Variants in MX2 observed in about 807,000 individuals in gnomAD.
MX2 encodes the protein interferon-induced GTP-binding protein Mx2.
Under a neutral mutation model 74.0 loss-of-function variants are expected in MX2, and 51 were observed. That is an observed-to-expected ratio of 0.69 (90% confidence interval 0.55 to 0.87). The LOEUF is 0.87. Ranked by LOEUF, MX2 falls within the 40% of genes least tolerant of loss-of-function variation. MX2 has a pLI of 0.00. For synonymous variants in MX2, 369 were observed against 339.3 expected, an observed-to-expected ratio of 1.09 and a Z score of -0.96; for missense variants, 832 against 908.7, an observed-to-expected ratio of 0.92 and a Z score of 1.09.
Position 41,380,612 on chromosome 21 carries a change from T to C in MX2, c.577+461T>C, listed in dbSNP as rs574979880. ...GTGTCACAACCATGGCTTGTCTTCC[T>C]GAAGTTCAGCTCTAACCCTGGCCAG... On this transcript the variant is annotated intron_variant, in intron 4 of 13. Coordinates refer to ENST00000330714, the MANE Select transcript of MX2 (RefSeq NM_002463.2). The surrounding 1 kb of genome is among the most constrained non-coding windows in gnomAD (Gnocchi z 4.3). Among the ~76,000 whole-genome samples the C allele has an allele frequency of 8.1e-4, 123 of 152,274 alleles. No individual in the cohort carries two copies. Among genetic ancestry groups the C allele is most frequent in the African/African-American group, 2.5e-3 (104 of 41,552 alleles).
rs1017347632 is a variant in MX2 at position 41,388,424 on chromosome 21, G to A, written c.733-2141G>A. Among the ~76,000 whole-genome samples the A allele has an allele frequency of 3.3e-5, 5 of 152,158 alleles. No homozygotes were observed. Among genetic ancestry groups the A allele is most frequent in the African/African-American group, 9.7e-5 (4 of 41,432 alleles). ...CGGTGCTCTGCCCGCATGGCTCTCC[G>A]CAGAGGGCATCCTTCATTCCTCGCG... On this transcript the variant is annotated intron_variant, in intron 5 of 13. Transcript: ENST00000330714. The surrounding 1 kb of genome is among the most constrained non-coding windows in gnomAD (Gnocchi z 4.0).
intron 1 of MX2, among the ~76,000 whole-genome samples, chr21:41,371,356 A>T (rs903546300): frequency 6.6e-6 from 1 of 152,176 alleles, no homozygotes; most frequent in Non-Finnish European, 1.5e-5. Context: ...TACTTGGGTC[A>T]ACACCTTGGA....
rs2089611920 is a variant in MX2 at position 41,388,468 on chromosome 21, G to A, written c.733-2097G>A. Among the ~76,000 whole-genome samples the A allele has an allele frequency of 6.6e-6, 1 of 152,194 alleles. No homozygotes were observed. Among genetic ancestry groups the A allele is most frequent in the Non-Finnish European group, 1.5e-5 (1 of 68,038 alleles). ...CCTCGCGGGTTTCTGCTGCAAGGCT[G>A]CCCTACCTGGGCTGCCTTGCCTGAC... On this transcript the variant is annotated intron_variant, in intron 5 of 13. Coordinates refer to ENST00000330714, the MANE Select transcript of MX2 (RefSeq NM_002463.2). The surrounding 1 kb of genome is among the most constrained non-coding windows in gnomAD (Gnocchi z 4.0).
At chr21:41,375,626 TC>T (rs1474665557) in intron 1 of MX2, among the ~76,000 whole-genome samples, 1 of 152,160 alleles carries the variant, frequency 6.6e-6, no homozygotes, top group Non-Finnish European at 1.5e-5. Flanking sequence ...GTCCCAAATC[TC>T]CCTCTGCCTG....
intron 2 of MX2, 109 bp downstream of exon 2, chr21:41,377,264 C>A: frequency 7.0e-7 from 1 of 1,430,272 alleles, no homozygotes; most frequent in Non-Finnish European, 9.5e-7. Context: ...GCTCCTCCAG[C>A]ACAGCTGATG....
At chr21:41,389,001 T>G (rs1162486039) in intron 5 of MX2, among the ~76,000 whole-genome samples, 1 of 152,050 alleles carries the variant, frequency 6.6e-6, no homozygotes, top group African/African-American at 2.4e-5. Flanking sequence ...TCAACAGTGC[T>G]GGAAGGAGAG....
rs2089291412 is a variant in MX2 at position 41,368,870 on chromosome 21, T to C, written c.-72+6815T>C. On this transcript the variant is annotated intron_variant, in intron 1 of 13. Transcript: ENST00000330714. This position sits in a 1 kb window ranked among gnomAD's most constrained non-coding sequence, Gnocchi z 4.6. ...TCCAGCTCTCAGCCTTTGAAGGATATTGTGGCTAGGGGTTCAGAGTCCCAG... is the reference window on the plus strand; with the variant it reads ...TCCAGCTCTCAGCCTTTGAAGGATACTGTGGCTAGGGGTTCAGAGTCCCAG... Among the ~76,000 whole-genome samples the C allele has an allele frequency of 6.6e-6, 1 of 152,104 alleles. No homozygotes were observed. Among genetic ancestry groups the C allele is most frequent in the South Asian group, 2.1e-4 (1 of 4,824 alleles).
chr21:41,383,991 G>A (rs1273929783), intron 5 of MX2, among the ~76,000 whole-genome samples: 3 of 152,166 alleles, frequency 2.0e-5, no homozygotes, highest in Non-Finnish European at 2.9e-5. Context: ...GAGGGACCAG[G>A]TGGGAGGTGA....
chr21:41,379,725 G>GGGGGCT (rs1234231660), intron 3 of MX2, among the ~76,000 whole-genome samples: 1 of 152,234 alleles, frequency 6.6e-6, no homozygotes, highest in African/African-American at 2.4e-5. Flanking sequence ...GCAGTGTGGT[G>GGGGGCT]GGGGCTATGG....
At chr21:41,407,503 C>G (rs953558418) in intron 13 of MX2, among the ~76,000 whole-genome samples, 25 of 152,076 alleles carry the variant, frequency 1.6e-4, no homozygotes, top group African/African-American at 5.6e-4. Flanking sequence ...ATCACTGTTC[C>G]CAGGAAGAAA....
intron 12 of MX2, among the ~76,000 whole-genome samples, chr21:41,405,947 A>T (rs2089880523): frequency 6.6e-6 from 1 of 151,202 alleles, no homozygotes; most frequent in Non-Finnish European, 1.5e-5. Context: ...CAGGTGACCC[A>T]CCTGCCTCAG....
Position 41,402,003 on chromosome 21 carries a change from A to T in MX2, c.1448A>T (p.Tyr483Phe), listed in dbSNP as rs754319824. 6.2e-7 allele frequency: 1 copy of T among 1,613,822 alleles called. No homozygotes were observed. The highest frequency in any genetic ancestry group is 1.1e-5 in the South Asian group (1 of 90,988). ...ATTATCCACGAAGAAGTTGAAAAAT[A>T]TGAAAAGCAGTATCGAGGCAAGGAG... is the stretch of plus-strand genomic sequence containing the variant. ...KNIIHEEVEK[Y>F]EKQYRGKELL... The change falls in exon 11 of 14, where the codon TAT becomes TTT. Residue 483 changes from tyrosine to phenylalanine, a missense_variant. Tyr to Phe is a conservative substitution (Grantham distance 22, BLOSUM62 3). Coordinates refer to ENST00000330714, the MANE Select transcript of MX2 (RefSeq NM_002463.2). This position sits in a 1 kb window ranked among gnomAD's most constrained non-coding sequence, Gnocchi z 4.5.
In MX2 at chr21:41,380,154, G is replaced by A. The variant is rs2089469164; in HGVS notation, c.577+3G>A. On this transcript the variant is annotated splice_donor_region_variant and intron_variant, in intron 4 of 13. Coordinates refer to ENST00000330714, the MANE Select transcript of MX2 (RefSeq NM_002463.2). The surrounding 1 kb of genome is among the most constrained non-coding windows in gnomAD (Gnocchi z 4.3). The stretch of plus-strand genomic sequence containing the variant: ...GGTGGAGAAAGAGATACACAAAGGT[G>A]GGCCCACGTCATTCTGAGGTTCGGA... 6.2e-7 allele frequency: 1 copy of A among 1,613,764 alleles called. No homozygotes were observed. Among genetic ancestry groups the A allele is most frequent in the Non-Finnish European group, 8.5e-7 (1 of 1,179,778 alleles).
Position 41,363,551 on chromosome 21 carries a change from G to C in MX2, c.-72+1496G>C, listed in dbSNP as rs761332696. Reference sequence around the variant, plus strand: ...ATCTTTGAGTGGGTGAAAAACAAGCGGTCTTAAAAAGAAAGGAGGTGAGCC... The same window carrying C: ...ATCTTTGAGTGGGTGAAAAACAAGCCGTCTTAAAAAGAAAGGAGGTGAGCC... On this transcript the variant is annotated intron_variant, in intron 1 of 13. Coordinates refer to ENST00000330714, the MANE Select transcript of MX2 (RefSeq NM_002463.2). The surrounding 1 kb of genome is among the most constrained non-coding windows in gnomAD (Gnocchi z 4.2). 2 of 153,210 alleles carry C rather than the reference G, an allele frequency of 1.3e-5. No homozygotes were observed. Among genetic ancestry groups the C allele is most frequent in the African/African-American group, 4.8e-5 (2 of 41,470 alleles). 9.5% of individuals were successfully genotyped at this position (153,210 alleles called of 1,614,324 possible).
intron 7 of MX2, 115 bp downstream of exon 7, chr21:41,395,900 C>A: frequency 1.1e-6 from 1 of 950,202 alleles, no homozygotes; most frequent in Middle Eastern, 3.4e-4. Flanking sequence ...GTAGTATAAC[C>A]TAGCCTCACC....
chr21:41,393,204 A>G (rs1007210429), intron 6 of MX2, among the ~76,000 whole-genome samples: 1 of 152,152 alleles, frequency 6.6e-6, no homozygotes, highest in African/African-American at 2.4e-5. Flanking sequence ...AATAGAGCAA[A>G]TTTGATTATA....
chr21:41,384,565 T>C (rs1164233793), intron 5 of MX2, among the ~76,000 whole-genome samples: 1 of 152,220 alleles, frequency 6.6e-6, no homozygotes, highest in Admixed American at 6.5e-5. Context: ...TACAGCCACG[T>C]GCCCTATGGG....
rs1173054964 is a variant in MX2, at chr21:41,388,589, G to A, written c.733-1976G>A. ...CCTGTCTCCCCTCCTGGGCTGTAAG[G>A]CTCTGGGGGCGTATGCTCAATGCCG... On this transcript the variant is annotated intron_variant, in intron 5 of 13. Transcript: ENST00000330714. The surrounding 1 kb of genome is among the most constrained non-coding windows in gnomAD (Gnocchi z 4.0). Among the ~76,000 whole-genome samples the A allele has an allele frequency of 6.6e-6, 1 of 152,180 alleles. No individual in the cohort carries two copies. The highest frequency in any genetic ancestry group is 1.5e-5 in the Non-Finnish European group (1 of 68,032).
intron 12 of MX2, chr21:41,404,164 T>C (rs1339745013): frequency 6.3e-6 from 1 of 158,126 alleles, no homozygotes; most frequent in Non-Finnish European, 1.4e-5. Context: ...CTCTGGGCCA[T>C]GGGAACTCTG....
Sources: allele counts gnomAD v4.1 joint callset (sites outside exome capture counted in the v4.1 genomes callset), GRCh38; gene constraint gnomAD v4.1.1; non-coding constraint Gnocchi (gnomAD v3.1); transcripts MANE v1.5; gene names NCBI Gene and HGNC (gene_info 2026-07-23, HGNC 2026-07-21).